The following CDYL2 variants were observed in gnomAD, a reference collection of about 807,000 sequenced individuals.
CDYL2 encodes the protein chromodomain Y-like protein 2.
A neutral mutation model predicts 49.4 loss-of-function variants in CDYL2; 23 were observed. The ratio of observed to expected loss-of-function variants is 0.47; its 90% CI spans 0.34 to 0.66. The LOEUF is 0.66. Among genes scored for constraint, CDYL2 ranks in the 30% least tolerant of loss-of-function variants. CDYL2 has a pLI of 0.01. For synonymous variants in CDYL2, 360 were observed against 268.8 expected, an observed-to-expected ratio of 1.34 and a Z score of -3.32; for missense variants, 678 against 656.4, an observed-to-expected ratio of 1.03 and a Z score of -0.36.
At chr16:80,663,989 T>A (rs1909155267) in intron 2 of CDYL2, among the ~76,000 whole-genome samples, 1 of 152,228 alleles carries the variant, frequency 6.6e-6, no homozygotes, top group South Asian at 2.1e-4. Flanking sequence ...TCATGTCTCC[T>A]GCATTAAAAC....
At chr16:80,628,134 C>T (rs1907385993) in intron 3 of CDYL2, 1 of 152,262 alleles carries the variant, frequency 6.6e-6, no homozygotes, top group Non-Finnish European at 1.5e-5. Context: ...TCCCAAAACC[C>T]TGAATACTTT....
At chr16:80,650,508 A>G (rs1908538397) in intron 2 of CDYL2, among the ~76,000 whole-genome samples, 1 of 152,220 alleles carries the variant, frequency 6.6e-6, no homozygotes, top group African/African-American at 2.4e-5. Context: ...GAACTCTCAC[A>G]CACTGTTGGT....
At chr16:80,734,168 T>G (rs1163846583) in intron 1 of CDYL2, among the ~76,000 whole-genome samples, 1 of 152,206 alleles carries the variant, frequency 6.6e-6, no homozygotes, top group Non-Finnish European at 1.5e-5. Context: ...AATCCCATCA[T>G]GCAAAGCTCC....
chr16:80,621,845 G>C (rs1476860317), intron 3 of CDYL2, among the ~76,000 whole-genome samples: 1 of 152,118 alleles, frequency 6.6e-6, no homozygotes, highest in Non-Finnish European at 1.5e-5. Context: ...GGCAGGTGGA[G>C]GGCAGGACAG....
intron 2 of CDYL2, among the ~76,000 whole-genome samples, chr16:80,684,074 G>A (rs11865226): frequency 0.038 from 5,859 of 152,232 alleles, 142 homozygotes; most frequent in Admixed American, 0.064. Flanking sequence ...CTGAGAAGAC[G>A]GCACGGACCC....
chr16:80,776,462 A>G (rs1412819290), intron 1 of CDYL2, among the ~76,000 whole-genome samples: 1 of 152,080 alleles, frequency 6.6e-6, no homozygotes, highest in Admixed American at 6.6e-5. Flanking sequence ...GCCGTCTGTA[A>G]TATCAAAGCA....
chr16:80,773,566 T>C (rs1906979918), intron 1 of CDYL2, among the ~76,000 whole-genome samples: 1 of 152,178 alleles, frequency 6.6e-6, no homozygotes, highest in African/African-American at 2.4e-5. Context: ...CACTAGGTGA[T>C]AAGGCAATTC....
At chr16:80,780,888 T>C (rs1325413703) in intron 1 of CDYL2, among the ~76,000 whole-genome samples, 1 of 152,194 alleles carries the variant, frequency 6.6e-6, no homozygotes, top group African/African-American at 2.4e-5. Context: ...AATCAACTTA[T>C]TCTGACCTGT....
chr16:80,793,354 T>C (rs539250808), intron 1 of CDYL2, among the ~76,000 whole-genome samples: 2 of 152,336 alleles, frequency 1.3e-5, no homozygotes, highest in African/African-American at 2.4e-5. Flanking sequence ...AATGTTTCAA[T>C]TTGCTTTAAG....
rs1906164376 is a variant in CDYL2 at position 80,603,037 on chromosome 16, G to C, written c.*1351C>G. On this transcript the variant is annotated 3_prime_UTR_variant, in exon 7 of 7. Transcript: ENST00000570137. ...TCCCCTTGCAGCCCAGGGGCACAGG[G>C]GCAAGGAGATCTCATTCCTGGTCAT... 1 of 152,042 alleles carries C rather than the reference G, an allele frequency of 6.6e-6. No homozygotes were observed. The highest frequency in any genetic ancestry group is 1.5e-5 in the Non-Finnish European group (1 of 68,024). The allele number at this position is 152,042 out of a possible 1,614,324, so 9.4% of individuals were successfully genotyped here. A position where few individuals can be genotyped will look rare whatever the true frequency, so the allele number is the denominator to read the frequency against.
At chr16:80,649,736 C>G (rs1008445251) in intron 2 of CDYL2, among the ~76,000 whole-genome samples, 1 of 152,040 alleles carries the variant, frequency 6.6e-6, no homozygotes, top group Non-Finnish European at 1.5e-5. Flanking sequence ...CTACAGTAAC[C>G]AAAACAGCAC....
At chr16:80,658,032 G>A (rs550795373) in intron 2 of CDYL2, among the ~76,000 whole-genome samples, 1 of 146,590 alleles carries the variant, frequency 6.8e-6, no homozygotes, top group African/African-American at 2.5e-5. Context: ...ATAAAGAGAA[G>A]AAAGGTGGAA....
At chr16:80,782,769 A>T (rs3098598) in intron 1 of CDYL2, among the ~76,000 whole-genome samples, 5 of 151,882 alleles carry the variant, frequency 3.3e-5, no homozygotes, top group Admixed American at 1.3e-4. Context: ...CAATTGACAG[A>T]GAAAAGGCAT....
intron 2 of CDYL2, among the ~76,000 whole-genome samples, chr16:80,670,007 C>T (rs1909434257): frequency 1.3e-5 from 2 of 152,192 alleles, no homozygotes; most frequent in South Asian, 2.1e-4. Flanking sequence ...CTGCCTAAGT[C>T]CACCCAAACA....
chr16:80,706,916 A>T (rs1904424543), intron 1 of CDYL2, among the ~76,000 whole-genome samples: 1 of 152,160 alleles, frequency 6.6e-6, no homozygotes, highest in Non-Finnish European at 1.5e-5. Context: ...CAGGTCAATC[A>T]CACCTACAGA....
At chr16:80,708,355 A>G (rs1904475566) in intron 1 of CDYL2, among the ~76,000 whole-genome samples, 1 of 152,204 alleles carries the variant, frequency 6.6e-6, no homozygotes, top group South Asian at 2.1e-4. Flanking sequence ...TATAAAGGGC[A>G]GTTCCTCTGC....
chr16:80,633,388 G>C (rs745909029), intron 2 of CDYL2, 152 bp from the exon 3 acceptor site: 6 of 747,252 alleles, frequency 8.0e-6, no homozygotes, highest in Admixed American at 5.8e-5. Flanking sequence ...TCTAGGAAGA[G>C]GGAAGGTGAA....
intron 1 of CDYL2, among the ~76,000 whole-genome samples, chr16:80,740,212 A>T (rs1905687008): frequency 6.6e-6 from 1 of 152,180 alleles, no homozygotes; most frequent in African/African-American, 2.4e-5. Context: ...GATGCACCAA[A>T]AACCAGAGTG....
chr16:80,682,766 G>A lies in CDYL2; in HGVS notation c.616+1772C>T, dbSNP rs566416000. On this transcript the variant is annotated intron_variant, in intron 2 of 6. Coordinates refer to ENST00000570137, the MANE Select transcript of CDYL2 (RefSeq NM_152342.4). ...GGGAACTCCGCCACCGCCAGCAGCC[G>A]TCACAGCAACATCAAACACGGGTGT... Among the ~76,000 whole-genome samples, 15 of 152,292 alleles carry A rather than the reference G, an allele frequency of 9.8e-5. No homozygotes were observed. In the South Asian group the frequency reaches 1.2e-3, roughly 13 times the overall value.
Sources: allele counts gnomAD v4.1 joint callset (sites outside exome capture counted in the v4.1 genomes callset), GRCh38; gene constraint gnomAD v4.1.1; transcripts MANE v1.5; gene names NCBI Gene and HGNC (gene_info 2026-07-23, HGNC 2026-07-21).